Variants in CDH13 observed in about 807,000 individuals in gnomAD.
CDH13 encodes the protein cadherin-13.
Under a neutral mutation model 63.8 loss-of-function variants are expected in CDH13, and 24 were observed. The observed-to-expected ratio is 0.38, with a 90% confidence interval of 0.27 to 0.53. The LOEUF (loss-of-function observed/expected upper bound fraction) is 0.53, where lower values mean the gene tolerates loss of function less well. CDH13 is among the 20% of genes least tolerant of loss of function. The pLI, the probability that CDH13 is intolerant of heterozygous loss-of-function variation, is 0.85. For missense variants in CDH13, 1,049 were observed against 903.1 expected, an observed-to-expected ratio of 1.16 and a Z score of -2.07; for synonymous variants, 503 against 355.3, an observed-to-expected ratio of 1.42 and a Z score of -4.67.
chr16:82,962,643 C>T (rs1374103888), intron 2 of CDH13, among the ~76,000 whole-genome samples: 1 of 152,116 alleles, frequency 6.6e-6, no homozygotes, highest in Non-Finnish European at 1.5e-5. Context: ...AAACTCTGAA[C>T]CCCTGGCCAG....
Position 82,973,629 on chromosome 16 carries a change from A to G in CDH13, c.158-58381A>G, listed in dbSNP as rs118033706. ...AGAATCCTGTTAAAGACCTGCCCTC[A>G]CTGAACTGTGCCCCTCCACCTGGAG... is the stretch of plus-strand genomic sequence containing the variant. On this transcript the variant is annotated intron_variant, in intron 2 of 13. Transcript: ENST00000567109. 4.6e-3 allele frequency among the ~76,000 whole-genome samples: 697 copies of G among 152,286 alleles called. 2 individuals carry two copies. Among genetic ancestry groups the G allele is most frequent in the Non-Finnish European group, 7.1e-3 (480 of 68,012 alleles).
At chr16:83,090,174 T>G (rs990266199) in intron 3 of CDH13, among the ~76,000 whole-genome samples, 1 of 152,162 alleles carries the variant, frequency 6.6e-6, no homozygotes, top group Non-Finnish European at 1.5e-5. Context: ...TCTCTCCAAC[T>G]ACCTCCCACT....
chr16:83,055,933 A>AC (rs1381376229), intron 3 of CDH13, among the ~76,000 whole-genome samples: 1 of 152,186 alleles, frequency 6.6e-6, no homozygotes, highest in Non-Finnish European at 1.5e-5. Context: ...ACAGTGGAAA[A>AC]AAAATCTTTG....
intron 4 of CDH13, among the ~76,000 whole-genome samples, chr16:83,134,726 G>A (rs1049601197): frequency 1.3e-5 from 2 of 152,040 alleles, no homozygotes; most frequent in African/African-American, 4.8e-5. Flanking sequence ...TTTTTGCTAA[G>A]TCTAATAAAA....
chr16:82,919,222 T>C (rs1417167419), intron 2 of CDH13, among the ~76,000 whole-genome samples: 2 of 152,224 alleles, frequency 1.3e-5, no homozygotes, highest in East Asian at 3.9e-4. Context: ...AAACTGTTAT[T>C]TTAGATTCAG....
At chr16:83,416,278 A>G (rs1027977588) in intron 6 of CDH13, among the ~76,000 whole-genome samples, 1 of 152,220 alleles carries the variant, frequency 6.6e-6, no homozygotes, top group Non-Finnish European at 1.5e-5. Context: ...TCTTGTATAG[A>G]TGGATTGGAA....
intron 4 of CDH13, among the ~76,000 whole-genome samples, chr16:83,201,403 C>T (rs1367188248): frequency 2.0e-5 from 3 of 149,868 alleles, no homozygotes; most frequent in Non-Finnish European, 4.4e-5. Context: ...GCACTACTTT[C>T]TTTCAATAAG....
chr16:82,837,607 C>A (rs1275174565), intron 1 of CDH13, among the ~76,000 whole-genome samples: 1 of 152,200 alleles, frequency 6.6e-6, no homozygotes, highest in Non-Finnish European at 1.5e-5. Context: ...ACAATCCCCT[C>A]CCAATGCAGT....
chr16:83,411,863 G>C (rs999595243), intron 6 of CDH13, among the ~76,000 whole-genome samples: 1 of 152,170 alleles, frequency 6.6e-6, no homozygotes, highest in African/African-American at 2.4e-5. Flanking sequence ...CTCATAACAA[G>C]TTTATAAGGT....
chr16:82,910,042 C>A (rs1012594620), intron 2 of CDH13, among the ~76,000 whole-genome samples: 2 of 152,118 alleles, frequency 1.3e-5, no homozygotes, highest in Non-Finnish European at 2.9e-5. Flanking sequence ...TAGTGGCATG[C>A]GACCCTTCTC....
intron 2 of CDH13, among the ~76,000 whole-genome samples, chr16:83,018,429 T>C (rs1423870189): frequency 6.6e-6 from 1 of 152,198 alleles, no homozygotes; most frequent in Non-Finnish European, 1.5e-5. Context: ...TGTTGAACTT[T>C]AGAATAACAG....
chr16:82,792,200 C>T (rs907259829), intron 1 of CDH13, among the ~76,000 whole-genome samples: 2 of 152,122 alleles, frequency 1.3e-5, no homozygotes, highest in African/African-American at 4.8e-5. Context: ...ATGATTCTAC[C>T]ACCTTGCTGT....
At chr16:82,675,850 A>G (rs1913836780) in intron 1 of CDH13, among the ~76,000 whole-genome samples, 1 of 152,208 alleles carries the variant, frequency 6.6e-6, no homozygotes, top group African/African-American at 2.4e-5. Flanking sequence ...AGAAGCCAAA[A>G]GAAATGGGTA....
intron 1 of CDH13, among the ~76,000 whole-genome samples, chr16:82,848,568 G>T (rs2039357866): frequency 7.5e-6 from 1 of 132,530 alleles, no homozygotes; most frequent in African/African-American, 2.8e-5. Flanking sequence ...TTACTATTGT[G>T]ATTTTTTTTT....
chr16:83,620,126 C>G (rs575375154), intron 8 of CDH13, among the ~76,000 whole-genome samples: 48 of 152,278 alleles, frequency 3.2e-4, no homozygotes, highest in African/African-American at 1.2e-3. Context: ...GGCTCAGTGG[C>G]TCACGCCTGT....
At chr16:82,943,302 C>CATATG (rs767440063) in intron 2 of CDH13, among the ~76,000 whole-genome samples, 13 of 152,146 alleles carry the variant, frequency 8.5e-5, no homozygotes, top group Non-Finnish European at 1.6e-4. Context: ...TCATGAGCCA[C>CATATG]ATATGATAGT....
In CDH13 at chr16:83,643,301, AG is replaced by A. The variant is rs371202486; in HGVS notation, c.1102-27488del. 7.3e-4 allele frequency among the ~76,000 whole-genome samples: 47 copies of A among 64,018 alleles called. 2 individuals are homozygous for A. The East Asian group carries it at 1.0e-2, about 14-fold the overall frequency. The allele number at this position is 64,018 out of a possible 152,430, so 42.0% of individuals were successfully genotyped here. On this transcript the variant is annotated intron_variant, in intron 8 of 13. Transcript: ENST00000567109. Reference sequence around the variant, plus strand: ...AGTATAATAAAAAAAAAAAAAAAAAAGAAAAAAAAAATTTAACAGATCTCTC... The same window carrying A: ...AGTATAATAAAAAAAAAAAAAAAAAAAAAAAAAAAATTTAACAGATCTCTC...
intron 10 of CDH13, chr16:83,710,496 C>G (rs1037118761): frequency 3.9e-5 from 6 of 151,984 alleles, no homozygotes; most frequent in Non-Finnish European, 7.4e-5. Flanking sequence ...CTCTTGGTGC[C>G]TCTTTTTAAG....
At chr16:82,811,077 T>G (rs2037418314) in intron 1 of CDH13, among the ~76,000 whole-genome samples, 1 of 152,188 alleles carries the variant, frequency 6.6e-6, no homozygotes, top group African/African-American at 2.4e-5. Context: ...CTATACCATA[T>G]TTATACTATA....
Sources: allele counts gnomAD v4.1 joint callset (sites outside exome capture counted in the v4.1 genomes callset), GRCh38; gene constraint gnomAD v4.1.1; transcripts MANE v1.5; gene names NCBI Gene and HGNC (gene_info 2026-07-23, HGNC 2026-07-21).